Variants in NBPF20 observed in about 807,000 individuals in gnomAD.
NBPF20 encodes NBPF family member NBPF20.
NBPF20 carries 90 observed loss-of-function variants against 68.1 expected under a neutral mutation model. The ratio of observed to expected loss-of-function variants is 1.32; its 90% CI spans 1.11 to 1.58. The LOEUF is 1.58. Ranked by LOEUF, NBPF20 falls within the 40% of genes most tolerant of loss-of-function variation. NBPF20 has a pLI of 0.00. For synonymous variants in NBPF20, 290 were observed against 228.1 expected, an observed-to-expected ratio of 1.27 and a Z score of -2.45; for missense variants, 816 against 601.2, an observed-to-expected ratio of 1.36 and a Z score of -3.74.
chr1:145,393,748 G>C (rs1259124100), intron 9 of NBPF20, 136 bp downstream of exon 14: 17 of 1,514,000 alleles, frequency 1.1e-5, no homozygotes, highest in Non-Finnish European at 1.5e-5. Flanking sequence ...ATGAGAACCA[G>C]AAAGCAATGT....
upstream of NBPF20, among the ~76,000 whole-genome samples, chr1:145,406,416 A>G (rs1246258620): frequency 6.6e-6 from 1 of 150,878 alleles, no homozygotes; most frequent in African/African-American, 2.4e-5. Context: ...GTAACTATGA[A>G]TATTCTCATA....
At chr1:145,291,307 G>C in exon 138 of NBPF20, 1 of 702,526 alleles carries the variant, frequency 1.4e-6, no homozygotes, top group Non-Finnish European at 2.4e-6. Context: ...CCCGGCATGT[G>C]CTGCACAGTT....
the NBPF20 span, among the ~76,000 whole-genome samples, chr1:145,422,775 G>A: frequency 6.6e-6 from 1 of 152,042 alleles, no homozygotes; most frequent in Non-Finnish European, 1.5e-5. Flanking sequence ...GATTACTTGA[G>A]CCCAAGAGTT....
At chr1:145,292,251 C>T in intron 137 of NBPF20, 130 bp downstream of exon 142, 1 of 625,950 alleles carries the variant, frequency 1.6e-6, no homozygotes, top group Non-Finnish European at 2.8e-6. Flanking sequence ...CAATGAAAAC[C>T]AACAGCAATG....
At chr1:145,419,242 GGGAA>G in the NBPF20 span, among the ~76,000 whole-genome samples, 5 of 151,234 alleles carry the variant, frequency 3.3e-5, no homozygotes, top group African/African-American at 1.2e-4. Context: ...GAGAGAAGTA[GGGAA>G]GGAAGGAAGG....
At chr1:145,421,770 A>C in the NBPF20 span, among the ~76,000 whole-genome samples, 1 of 152,230 alleles carries the variant, frequency 6.6e-6, no homozygotes, top group Non-Finnish European at 1.5e-5. Flanking sequence ...GCCAGCGGTG[A>C]TGGCTTATGC....
In NBPF20 at chr1:145,311,963, C is replaced by T. The variant is rs1488543507; in HGVS notation, c.13660+245G>A. 1.2e-4 allele frequency among the ~76,000 whole-genome samples: 11 copies of T among 95,534 alleles called. 1 individual carries two copies. Among genetic ancestry groups the T allele is most frequent in the African/African-American group, 2.3e-4 (4 of 17,392 alleles). The allele number at this position is 95,534 out of a possible 152,430, so 62.7% of individuals were successfully genotyped here. On this transcript the variant is annotated intron_variant, in intron 112 of 137. Transcript: ENST00000369373. ...ATTTGTCACATCTGCCCAGGTCCAACGTCATGAGAGTAGGATTAGGGCGCC... is the reference window on the plus strand; with the variant it reads ...ATTTGTCACATCTGCCCAGGTCCAATGTCATGAGAGTAGGATTAGGGCGCC...
chr1:145,405,336 G>A, intron 1 of NBPF20, 29 bp from the exon 7 acceptor site: 3 of 1,502,974 alleles, frequency 2.0e-6, no homozygotes, highest in South Asian at 1.1e-5. Flanking sequence ...AACATATGAT[G>A]GGTTAAAAAC....
In NBPF20 at chr1:145,403,337, G is replaced by T; in HGVS notation, c.176-19C>A. The T allele has an allele frequency of 1.9e-6, 3 of 1,582,188 alleles. No homozygotes were observed. The highest frequency in any genetic ancestry group is 2.2e-5 in the East Asian group (1 of 44,730). On this transcript the variant is annotated intron_variant, in intron 2 of 137. Coordinates refer to ENST00000369373, the Ensembl canonical transcript of NBPF20. ...TCATATTCTGAGAAAAGACAGACAC[G>T]CCTGCCTCAGTGGAAGGCTGGACAT...
At chr1:145,424,928 G>A in the NBPF20 span, among the ~76,000 whole-genome samples, 1 of 152,178 alleles carries the variant, frequency 6.6e-6, no homozygotes, top group Non-Finnish European at 1.5e-5. Context: ...CAGAATCCCG[G>A]AGGCCAATAA....
the NBPF20 span, among the ~76,000 whole-genome samples, chr1:145,410,751 CATAT>C: frequency 3.6e-5 from 4 of 109,968 alleles, no homozygotes; most frequent in African/African-American, 1.4e-4. Flanking sequence ...TATATATATA[CATAT>C]ATATATATAC....
chr1:145,396,795 T>C (rs1419069056), intron 7 of NBPF20, among the ~76,000 whole-genome samples: 3 of 149,262 alleles, frequency 2.0e-5, no homozygotes, highest in African/African-American at 7.4e-5. Flanking sequence ...ATACTTTAAG[T>C]CTTAGGGTAC....
At chr1:145,410,383 C>T (rs1437841651), upstream of NBPF20, among the ~76,000 whole-genome samples, 35 of 148,806 alleles carry the variant, frequency 2.4e-4, no homozygotes, top group Admixed American at 1.9e-3. Context: ...GGCGGGATCT[C>T]GGCTCACTGC....
chr1:145,291,809 A>C (rs1661118162), intron 137 of NBPF20, 40 bp from the exon 143 acceptor site: 2 of 1,611,970 alleles, frequency 1.2e-6, no homozygotes, highest in Non-Finnish European at 1.7e-6. Context: ...GCCAGGGAAA[A>C]TCAGAAACCA....
chr1:145,400,034 T>G (rs1457448046), intron 6 of NBPF20, among the ~76,000 whole-genome samples: 1 of 152,180 alleles, frequency 6.6e-6, no homozygotes, highest in African/African-American at 2.4e-5. Flanking sequence ...GCTGCCAGCT[T>G]CCTTAAACAG....
At chr1:145,404,127 A>G in intron 2 of NBPF20, among the ~76,000 whole-genome samples, 1 of 144,806 alleles carries the variant, frequency 6.9e-6, no homozygotes, top group Non-Finnish European at 1.5e-5. Context: ...TGCACACTGC[A>G]CTGCTGCTTC....
intron 8 of NBPF20, 81 bp downstream of exon 13, chr1:145,394,897 A>G (rs201635822): frequency 2.2e-5 from 30 of 1,354,536 alleles, no homozygotes; most frequent in Non-Finnish European, 2.9e-5. Context: ...TCAGCCCAAC[A>G]AGGGGCACAA....
At chr1:145,395,658 T>A (rs1326215574) in intron 7 of NBPF20, among the ~76,000 whole-genome samples, 4 of 149,506 alleles carry the variant, frequency 2.7e-5, no homozygotes, top group Non-Finnish European at 5.9e-5. Flanking sequence ...CACCTCTCCC[T>A]GGATTTAAAC....
At chr1:145,291,907 T>G in intron 137 of NBPF20, 138 bp from the exon 143 acceptor site, 1 of 1,547,202 alleles carries the variant, frequency 6.5e-7, no homozygotes, top group Non-Finnish European at 8.7e-7. Context: ...AAAAAAAATT[T>G]ATTGCCTATA....
Sources: allele counts gnomAD v4.1 joint callset (sites outside exome capture counted in the v4.1 genomes callset), GRCh38; gene constraint gnomAD v4.1.1; transcripts MANE v1.5; gene names NCBI Gene and HGNC (gene_info 2026-07-23, HGNC 2026-07-21).